AGMO: variants seen among roughly 807,000 people sequenced by gnomAD.
The protein encoded by AGMO is alkylglycerol monooxygenase.
AGMO carries 75 observed loss-of-function variants against 60.2 expected under a neutral mutation model. That is an observed-to-expected ratio of 1.25 (90% CI 1.03 to 1.51). The LOEUF (loss-of-function observed/expected upper bound fraction) is 1.51, where lower values mean the gene tolerates loss of function less well. AGMO is among the 40% of genes most tolerant of loss of function. AGMO has a pLI of 0.00. For missense variants in AGMO, 763 were observed against 525.5 expected, an observed-to-expected ratio of 1.45 and a Z score of -4.42; for synonymous variants, 261 against 177.1, an observed-to-expected ratio of 1.47 and a Z score of -3.76.
At position 15,561,713 on chromosome 7, in the gene AGMO, G is replaced by C. The variant is rs1239699455; in HGVS notation, c.126+7C>G. The C allele has an allele frequency of 2.3e-5, 37 of 1,601,142 alleles. No individual in the cohort carries two copies. The Admixed American group carries it at 5.3e-4, about 23-fold the overall frequency. On this transcript the variant is annotated splice_region_variant and intron_variant, in intron 1 of 12. Transcript: ENST00000342526. ...AATAAGAGTAGCCTCTTCCAATAAA[G>C]TCTCACCTTTTTTACATAATCAGGC...
At chr7:15,456,577 G>A (rs1394576835) in intron 3 of AGMO, among the ~76,000 whole-genome samples, 5 of 152,156 alleles carry the variant, frequency 3.3e-5, no homozygotes, top group African/African-American at 9.6e-5. Flanking sequence ...GGATATCAGA[G>A]AGCAAGATTT....
At chr7:15,184,321 G>GGAA in the AGMO span, among the ~76,000 whole-genome samples, 1 of 94,388 alleles carries the variant, frequency 1.1e-5, no homozygotes. Flanking sequence ...GAGGGAAGGA[G>GGAA]GGAAGGAGGA....
chr7:15,513,886 T>C (rs1383024386), intron 3 of AGMO, among the ~76,000 whole-genome samples: 1 of 152,170 alleles, frequency 6.6e-6, no homozygotes, highest in Non-Finnish European at 1.5e-5. Context: ...ACCACCCTTC[T>C]GTGATATTTT....
At chr7:15,428,119 G>A (rs766512043) in intron 4 of AGMO, among the ~76,000 whole-genome samples, 53 of 147,980 alleles carry the variant, frequency 3.6e-4, no homozygotes, top group Admixed American at 1.6e-3. Context: ...CTAAATTATC[G>A]GCCTCATGTA....
chr7:15,439,581 C>T (rs1781493960), intron 3 of AGMO, among the ~76,000 whole-genome samples: 1 of 152,084 alleles, frequency 6.6e-6, no homozygotes, highest in African/African-American at 2.4e-5. Flanking sequence ...GCTGCAAGTC[C>T]CATTTCCATT....
chr7:15,233,517 T>C (rs1050500171), intron 12 of AGMO, among the ~76,000 whole-genome samples: 2 of 151,248 alleles, frequency 1.3e-5, no homozygotes, highest in African/African-American at 4.9e-5. Flanking sequence ...AGAGGTGGAC[T>C]AGGGAGCTAT....
chr7:15,529,707 CTA>C (rs1306808615), intron 3 of AGMO, among the ~76,000 whole-genome samples: 2 of 38,134 alleles, frequency 5.2e-5, no homozygotes, highest in African/African-American at 8.8e-5. Flanking sequence ...TCCATATATA[CTA>C]TATATATACT....
chr7:15,199,102 A>T (rs1781207476), downstream of AGMO, among the ~76,000 whole-genome samples: 1 of 152,220 alleles, frequency 6.6e-6, no homozygotes, highest in Non-Finnish European at 1.5e-5. Context: ...ATAAACAAGG[A>T]CACCTTGGAG....
chr7:15,491,711 C>T (rs1165216480), intron 3 of AGMO, among the ~76,000 whole-genome samples: 1 of 152,154 alleles, frequency 6.6e-6, no homozygotes, highest in Non-Finnish European at 1.5e-5. Context: ...GCAAAATTCA[C>T]TCTTTCGCAT....
chr7:15,255,787 T>C (rs2128507931), intron 12 of AGMO, among the ~76,000 whole-genome samples: 1 of 152,364 alleles, frequency 6.6e-6, no homozygotes, highest in Admixed American at 6.5e-5. Flanking sequence ...GAGGCTTTTT[T>C]CTGTTCAAAT....
At chr7:15,141,070 C>A in the AGMO span, among the ~76,000 whole-genome samples, 1 of 152,114 alleles carries the variant, frequency 6.6e-6, no homozygotes, top group Admixed American at 6.5e-5. Context: ...AGGATTCTGG[C>A]ATTAATTAAA....
chr7:15,300,279 A>ACAGTG (rs368257588), intron 12 of AGMO, among the ~76,000 whole-genome samples: 6 of 152,096 alleles, frequency 3.9e-5, no homozygotes, highest in Non-Finnish European at 2.9e-5. Context: ...TAAGTCTACT[A>ACAGTG]AAGTTCACAA....
chr7:15,555,250 A>G (rs1785095452), intron 2 of AGMO, among the ~76,000 whole-genome samples: 1 of 147,702 alleles, frequency 6.8e-6, no homozygotes, highest in Non-Finnish European at 1.5e-5. Flanking sequence ...AGAAGTTACA[A>G]ATAAATTAAT....
intron 3 of AGMO, among the ~76,000 whole-genome samples, chr7:15,532,679 GC>G (rs1229526989): frequency 6.7e-6 from 1 of 148,872 alleles, no homozygotes; most frequent in East Asian, 2.0e-4. Context: ...TAGCAAGAGA[GC>G]ATCTTGTCAA....
the AGMO span, among the ~76,000 whole-genome samples, chr7:15,184,023 A>G: frequency 6.6e-6 from 1 of 152,202 alleles, no homozygotes; most frequent in Non-Finnish European, 1.5e-5. Flanking sequence ...GTTAAAAACA[A>G]TATCTCCTGG....
chr7:15,326,079 T>A (rs1274648006), intron 12 of AGMO, among the ~76,000 whole-genome samples: 3 of 151,964 alleles, frequency 2.0e-5, no homozygotes, highest in Non-Finnish European at 4.4e-5. Context: ...TAGATACAGG[T>A]TTTTTTTAAA....
At chr7:15,323,134 A>G (rs945622790) in intron 12 of AGMO, among the ~76,000 whole-genome samples, 3 of 151,952 alleles carry the variant, frequency 2.0e-5, no homozygotes, top group Admixed American at 6.6e-5. Flanking sequence ...TTGGAGTAAT[A>G]AGACTTCTTT....
In AGMO at chr7:15,458,625, A is replaced by T. The variant is rs549637366; in HGVS notation, c.410-27517T>A. ...AGTATTAAACAGAAGTCTGCACATT[A>T]TCTTGGATTTTTATGGCTCTCTATG... On this transcript the variant is annotated intron_variant, in intron 3 of 12. Transcript: ENST00000342526. Among the ~76,000 whole-genome samples, 8 of 152,320 alleles carry T rather than the reference A, an allele frequency of 5.3e-5. No individual in the cohort carries two copies. In the East Asian group the frequency reaches 1.5e-3, roughly 29 times the overall value.
chr7:15,303,475 G>A (rs541518777), intron 12 of AGMO, among the ~76,000 whole-genome samples: 44 of 152,088 alleles, frequency 2.9e-4, no homozygotes, highest in Non-Finnish European at 4.4e-4. Flanking sequence ...AACATCTGGG[G>A]TGGTTTCTTT....
Sources: allele counts gnomAD v4.1 joint callset (sites outside exome capture counted in the v4.1 genomes callset), GRCh38; gene constraint gnomAD v4.1.1; transcripts MANE v1.5; gene names NCBI Gene and HGNC (gene_info 2026-07-23, HGNC 2026-07-21).